The following DDX3Y variants were observed in gnomAD, a reference collection of about 807,000 sequenced individuals.
The protein encoded by DDX3Y is DEAD-box helicase 3 Y-linked.
A neutral mutation model predicts 15.1 loss-of-function variants in DDX3Y; 2 were observed. The observed-to-expected ratio is 0.13, with a 90% CI of 0.05 to 0.42. DDX3Y has a LOEUF of 0.42. DDX3Y is among the 10% of genes least tolerant of loss of function. DDX3Y has a pLI of 0.99. For synonymous variants in DDX3Y, 47 were observed against 45.0 expected (o/e 1.04, Z -0.18); for missense variants, 81 against 149.9 (o/e 0.54, Z 2.40).
rs748544164 is a variant in DDX3Y at position 12,919,255 on chromosome Y, C to G, written c.*1133C>G. ...CTTGAAATCACACAGCTTGCAAATA[C>G]GTACTAAACTGCACAAGGTGTGTGT... is the stretch of plus-strand genomic sequence containing the variant. On this transcript the variant is annotated 3_prime_UTR_variant, in exon 17 of 17. Transcript: ENST00000336079. The G allele has an allele frequency of 2.9e-5, 1 of 33,955 alleles. No homozygotes were observed. The highest frequency in any genetic ancestry group is 6.4e-4 in the South Asian group (1 of 1,574). 8.5% of individuals were successfully genotyped at this position (33,955 alleles called of 400,897 possible).
In DDX3Y at chrY:12,905,109, C is replaced by T; in HGVS notation, c.45+128C>T. ...GTTCGTGTGTTATGTGACTGGGACT[C>T]TAGGGAAATGGGGAGAGAAACTGCA... On this transcript the variant is annotated intron_variant, in intron 1 of 16. Transcript: ENST00000336079. 7.2e-5 allele frequency: 14 copies of T among 194,263 alleles called. No homozygotes were observed. In the Admixed American group the frequency reaches 1.3e-3, roughly 19 times the overall value. 48.5% of individuals were successfully genotyped at this position (194,263 alleles called of 400,897 possible). A position where few individuals can be genotyped will look rare whatever the true frequency, so the allele number is the denominator to read the frequency against.
rs932726136 is a variant in DDX3Y, at chrY:12,917,508, A to G, written c.1869A>G (p.Gly623=). The G allele has an allele frequency of 2.5e-6, 1 of 395,585 alleles. No homozygotes were observed. The highest frequency in any genetic ancestry group is 3.5e-6 in the Non-Finnish European group (1 of 281,916). ...GCGGAAGCAGCAGCCGCAGTGGTGG[A>G]GGTGGTTACGGCAACAGCAGAGGAT... ...ASRGSSSRSG[G]GGYGNSRGFG... The change falls in exon 16 of 17, where the codon GGA becomes GGG. Residue 623 remains glycine (G), a synonymous_variant. Transcript: ENST00000336079.
At chrY:12,914,379 C>G in intron 7 of DDX3Y, among the ~76,000 whole-genome samples, 185 bp from the exon 8 acceptor site, 1 of 34,033 alleles carries the variant, frequency 2.9e-5, no homozygotes, top group Non-Finnish European at 7.3e-5. Context: ...GTGTTTTGTA[C>G]AAATTGAAAT....
chrY:12,917,038 G>A lies in DDX3Y; in HGVS notation c.1741G>A (p.Gly581Ser), dbSNP rs754950089. Residue 581 changes from glycine (G) to serine (S), a missense_variant, in exon 15 of 17, where the codon GGC becomes AGC. Around this residue, in one of 2 missense-constraint regions of DDX3Y, gnomAD observed 52 missense variants for 122.8 expected, o/e 0.42. Coordinates refer to ENST00000336079, the MANE Select transcript of DDX3Y (RefSeq NM_004660.5). ...NMAYEHHYKGGSRGRSKSNRF... is the reference protein window; with the variant it reads ...NMAYEHHYKGSSRGRSKSNRF... ...GGCTTATGAACACCACTACAAGGGT[G>A]GCAGTCGTGGACGATCTAAAAGGTA... 2.5e-6 allele frequency: 1 copy of A among 398,037 alleles called. No homozygotes were observed. The highest frequency in any genetic ancestry group is 3.0e-5 in the South Asian group (1 of 33,704).
At chrY:12,905,734 T>G in intron 1 of DDX3Y, 1 of 310,278 alleles carries the variant, frequency 3.2e-6, no homozygotes, top group South Asian at 3.5e-5. Context: ...GTGGGGAGGG[T>G]AGGGAAGGAT....
chrY:12,915,948 T>C lies in DDX3Y; in HGVS notation c.1230T>C (p.Ser410=). The change falls in exon 12 of 17, where the codon TCT becomes TCC. Residue 410 remains serine (S), a synonymous_variant. Transcript: ENST00000336079. ...CTGTAGGCAGAGTAGGCTCTACCTC[T>C]GAGAACATCACACAGAAAGTAGTTT... ...FLAVGRVGST[S]ENITQKVVWV... 4 of 396,197 alleles carry C rather than the reference T, an allele frequency of 1.0e-5. No homozygotes were observed. In the South Asian group the frequency reaches 1.2e-4, roughly 12 times the overall value.
intron 1 of DDX3Y, among the ~76,000 whole-genome samples, chrY:12,906,304 T>C: frequency 3.0e-5 from 1 of 33,747 alleles, no homozygotes; most frequent in Non-Finnish European, 7.4e-5. Flanking sequence ...TGCTAAATGA[T>C]TTTAAATTTT....
At chrY:12,910,351 T>C (rs1054373680) in intron 3 of DDX3Y, among the ~76,000 whole-genome samples, 10 of 33,691 alleles carry the variant, frequency 3.0e-4, no homozygotes, top group South Asian at 1.3e-3. Context: ...AGTACAATTA[T>C]TCATTTGTCT....
intron 4 of DDX3Y, 52 bp downstream of exon 4, chrY:12,912,020 G>A (rs756597209): frequency 7.8e-6 from 2 of 255,113 alleles, no homozygotes; most frequent in South Asian, 6.6e-5. Flanking sequence ...ATTTTAATTT[G>A]GTAGGTTCTC....
chrY:12,910,039 A>G lies in DDX3Y; in HGVS notation c.151+632A>G, dbSNP rs1050810735. ...GAAAAGTATTTAAAACCAAAAGGAA[A>G]GAAGGTAATGATAAAGGGGTGTGGA... is the stretch of plus-strand genomic sequence containing the variant. On this transcript the variant is annotated intron_variant, in intron 3 of 16. Transcript: ENST00000336079. 8.9e-5 allele frequency among the ~76,000 whole-genome samples: 3 copies of G among 33,534 alleles called. No individual in the cohort carries two copies. The South Asian group carries it at 2.0e-3, about 22-fold the overall frequency. The allele number at this position is 33,534 out of a possible 37,273, so 90.0% of individuals were successfully genotyped here.
intron 3 of DDX3Y, among the ~76,000 whole-genome samples, chrY:12,911,300 C>T (rs2053627124): frequency 3.0e-5 from 1 of 33,254 alleles, no homozygotes; most frequent in Admixed American, 2.7e-4. Flanking sequence ...TAATCTTTTA[C>T]TTAGCTGGGC....
Position 12,909,371 on chromosome Y carries a change from A to G in DDX3Y, c.115A>G (p.Ile39Val). The G allele has an allele frequency of 2.5e-6, 1 of 396,303 alleles. No homozygotes were observed. ...GASTASKGRYIPPHLRNREAS... is the reference protein window; with the variant it reads ...GASTASKGRYVPPHLRNREAS... ...ATTTTCTCTTTTAGAAGGGCGCTATATACCTCCTCACTTAAGGAACAGAGA... is the reference window on the plus strand; with the variant it reads ...ATTTTCTCTTTTAGAAGGGCGCTATGTACCTCCTCACTTAAGGAACAGAGA... Residue 39 changes from isoleucine (I) to valine (V), a missense_variant, in exon 3 of 17, where the codon ATA (isoleucine) becomes GTA (valine). Transcript: ENST00000336079.
chrY:12,914,052 G>A, intron 7 of DDX3Y, among the ~76,000 whole-genome samples, 199 bp downstream of exon 7: 2 of 34,311 alleles, frequency 5.8e-5, no homozygotes, highest in Non-Finnish European at 1.5e-4. Context: ...TCTTGAGGAA[G>A]CTTATGGCAA....
chrY:12,920,084 T>G lies in DDX3Y; in HGVS notation c.*1962T>G. ...TGTAGCTGTAATTTTCTGACAAAAT[T>G]TAAGACAAAATTGTCAACTTGAAAC... On this transcript the variant is annotated 3_prime_UTR_variant, in exon 17 of 17. Transcript: ENST00000336079. The G allele has an allele frequency of 3.0e-5, 1 of 33,749 alleles. No homozygotes were observed. Among genetic ancestry groups the G allele is most frequent in the African/African-American group, 1.2e-4 (1 of 8,602 alleles). 8.4% of individuals were successfully genotyped at this position (33,749 alleles called of 400,897 possible).
chrY:12,913,703 T>A lies in DDX3Y; in HGVS notation c.538-15T>A. ...TTTACTTGTATTTGATTAACCTGGT[T>A]AAATTTCTTGGCAGTTTAGCGATAT... On this transcript the variant is annotated splice_polypyrimidine_tract_variant and intron_variant, in intron 6 of 16. Transcript: ENST00000336079. The A allele has an allele frequency of 5.1e-6, 2 of 395,382 alleles. No homozygotes were observed. Among genetic ancestry groups the A allele is most frequent in the East Asian group, 1.8e-4 (2 of 10,812 alleles).
At chrY:12,906,584 A>G (rs540937223) in intron 1 of DDX3Y, among the ~76,000 whole-genome samples, 20 of 33,736 alleles carry the variant, frequency 5.9e-4, no homozygotes, top group African/African-American at 8.2e-4. Flanking sequence ...TTAATTGATG[A>G]TTCATGTAAT....
In DDX3Y at chrY:12,911,027, C is replaced by T. The variant is rs9341298; in HGVS notation, c.152-812C>T. On this transcript the variant is annotated intron_variant, in intron 3 of 16. Transcript: ENST00000336079. Reference sequence around the variant, plus strand: ...TTGGGTTCATGCCATTCTCCTGCCTCAGGCTCCTGAGTAGCTGGGACTACA... The same window carrying T: ...TTGGGTTCATGCCATTCTCCTGCCTTAGGCTCCTGAGTAGCTGGGACTACA... Among the ~76,000 whole-genome samples the T allele has an allele frequency of 1.8e-3, 57 of 30,999 alleles. No individual in the cohort carries two copies. The East Asian group carries it at 0.042, about 23-fold the overall frequency. The allele number at this position is 30,999 out of a possible 37,273, so 83.2% of individuals were successfully genotyped here. A position where few individuals can be genotyped will look rare whatever the true frequency, so the allele number is the denominator to read the frequency against.
chrY:12,914,641 G>A lies in DDX3Y; in HGVS notation c.751G>A (p.Ala251Thr), dbSNP rs762068024. Residue 251 changes from alanine (A) to threonine (T), a missense_variant, in exon 8 of 17, where the codon GCT becomes ACT. By Grantham distance (58) the Ala-to-Thr change is moderately conservative. This residue lies in a region of DDX3Y where 52 missense variants were observed against 122.8 expected (regional missense o/e 0.42). Coordinates refer to ENST00000336079, the MANE Select transcript of DDX3Y (RefSeq NM_004660.5). ...AGATGGTCCAGGAGAAGCTTTGAAGGCTGTGAAGGTAAAGGTTTTGTTATA... is the reference window on the plus strand; with the variant it reads ...AGATGGTCCAGGAGAAGCTTTGAAGACTGTGAAGGTAAAGGTTTTGTTATA... The part of the protein sequence containing the change: ...YTDGPGEALK[A>T]VKENGRYGRR... 3 of 385,204 alleles carry A rather than the reference G, an allele frequency of 7.8e-6. No homozygotes were observed.
At chrY:12,907,002 C>T (rs2053613950) in intron 1 of DDX3Y, among the ~76,000 whole-genome samples, 1 of 30,649 alleles carries the variant, frequency 3.3e-5, no homozygotes, top group East Asian at 8.1e-4. Context: ...CTGTGTAAAG[C>T]CGCGTAGTAC....
Sources: allele counts gnomAD v4.1 joint callset (sites outside exome capture counted in the v4.1 genomes callset), GRCh38; gene constraint gnomAD v4.1.1; regional missense constraint gnomAD v4.1.1; transcripts MANE v1.5; gene names NCBI Gene and HGNC (gene_info 2026-07-23, HGNC 2026-07-21).